The following MAN1C1 variants were observed in gnomAD, a reference collection of about 807,000 sequenced individuals.
MAN1C1 encodes mannosyl-oligosaccharide 1,2-alpha-mannosidase IC.
MAN1C1 carries 49 observed loss-of-function variants against 71.5 expected under a neutral mutation model. The ratio of observed to expected loss-of-function variants is 0.69; its 90% CI spans 0.54 to 0.87. MAN1C1 has a LOEUF of 0.87. Among genes scored for constraint, MAN1C1 ranks in the 40% least tolerant of loss-of-function variants. The probability of loss-of-function intolerance (pLI) is 0.00; values close to 1 mark genes in which losing one functional copy is unlikely to be tolerated. For synonymous variants in MAN1C1, 352 were observed against 343.7 expected, an observed-to-expected ratio of 1.02 and a Z score of -0.27; for missense variants, 743 against 835.0, an observed-to-expected ratio of 0.89 and a Z score of 1.36.
intron 2 of MAN1C1, among the ~76,000 whole-genome samples, chr1:25,727,965 G>A (rs978050076): frequency 3.3e-5 from 5 of 152,372 alleles, no homozygotes; most frequent in Non-Finnish European, 5.9e-5. Flanking sequence ...TCAGGCGTGC[G>A]TCTTCCTGGC....
rs1309072641 is a variant in MAN1C1, at chr1:25,618,253, C to T, written c.456C>T (p.Leu152=). The change falls in exon 1 of 12, where the codon CTC becomes CTT. Residue 152 remains leucine, a synonymous_variant. Transcript: ENST00000374332. The part of the protein sequence containing the change: ...RFDFNAFRSR[L]RHPVLGTRAD... ...ACTTCAACGCATTCCGGAGCCGTCT[C>T]CGCCACCCGGTCCTGGGAACGAGGG... The T allele has an allele frequency of 2.5e-6, 4 of 1,603,270 alleles. No homozygotes were observed. Among genetic ancestry groups the T allele is most frequent in the Non-Finnish European group, 3.4e-6 (4 of 1,176,772 alleles).
At chr1:25,762,338 G>A (rs998799265) in intron 6 of MAN1C1, among the ~76,000 whole-genome samples, 2 of 151,732 alleles carry the variant, frequency 1.3e-5, no homozygotes, top group Non-Finnish European at 2.9e-5. Flanking sequence ...ACCCAGGCTT[G>A]TCTCAAACTC....
intron 2 of MAN1C1, among the ~76,000 whole-genome samples, chr1:25,697,198 C>T (rs529555722): frequency 1.3e-5 from 2 of 152,164 alleles, no homozygotes; most frequent in African/African-American, 4.8e-5. Context: ...CTCTTTCCCC[C>T]CTTCCCCAGC....
At chr1:25,729,364 G>T (rs1333096623) in intron 2 of MAN1C1, among the ~76,000 whole-genome samples, 1 of 152,166 alleles carries the variant, frequency 6.6e-6, no homozygotes, top group Non-Finnish European at 1.5e-5. Context: ...TAGCCACTCG[G>T]CCAGCATTTA....
chr1:25,768,687 G>A (rs1325296518), intron 7 of MAN1C1, among the ~76,000 whole-genome samples: 3 of 66,012 alleles, frequency 4.5e-5, no homozygotes, highest in African/African-American at 6.1e-5. Context: ...ATACATCCAC[G>A]CTCCCTTAAC....
chr1:25,734,128 TTTTAA>T (rs1241194717), intron 2 of MAN1C1, among the ~76,000 whole-genome samples: 3 of 151,582 alleles, frequency 2.0e-5, no homozygotes, highest in African/African-American at 7.3e-5. Context: ...TTTTAATTTA[TTTTAA>T]TTTATTTATT....
chr1:25,632,670 G>A (rs775763132), intron 1 of MAN1C1, among the ~76,000 whole-genome samples: 1 of 152,040 alleles, frequency 6.6e-6, no homozygotes, highest in Non-Finnish European at 1.5e-5. Flanking sequence ...GTATCCCAGA[G>A]TTTTGATAAC....
intron 2 of MAN1C1, among the ~76,000 whole-genome samples, chr1:25,728,750 G>A (rs2046868477): frequency 6.6e-6 from 1 of 152,202 alleles, no homozygotes; most frequent in Non-Finnish European, 1.5e-5. Flanking sequence ...CCACCTAGAT[G>A]CAGAAAGGCT....
intron 2 of MAN1C1, among the ~76,000 whole-genome samples, chr1:25,700,230 G>C (rs2046421115): frequency 6.6e-6 from 1 of 152,164 alleles, no homozygotes; most frequent in Non-Finnish European, 1.5e-5. Context: ...GATAACTGCT[G>C]CTGTCTAATC....
At chr1:25,774,543 C>T (rs2047594588) in intron 8 of MAN1C1, among the ~76,000 whole-genome samples, 1 of 152,216 alleles carries the variant, frequency 6.6e-6, no homozygotes, top group Admixed American at 6.5e-5. Flanking sequence ...TCAGATGGGG[C>T]TCCTGCAGGC....
intron 1 of MAN1C1, among the ~76,000 whole-genome samples, chr1:25,683,522 T>A (rs1182312177): frequency 2.0e-5 from 3 of 152,068 alleles, no homozygotes; most frequent in Non-Finnish European, 4.4e-5. Context: ...GTTGCAGATA[T>A]AAAAGCTTGA....
chr1:25,641,545 C>T (rs748375799), intron 1 of MAN1C1, among the ~76,000 whole-genome samples: 16 of 152,174 alleles, frequency 1.1e-4, no homozygotes, highest in Admixed American at 5.9e-4. Context: ...TATTGCAGTC[C>T]GGAATTATCT....
At position 25,735,255 on chromosome 1, in the gene MAN1C1, C is replaced by G. The variant is rs893027032; in HGVS notation, c.638-11413C>G. On this transcript the variant is annotated intron_variant, in intron 2 of 11. Coordinates refer to ENST00000374332, the MANE Select transcript of MAN1C1 (RefSeq NM_020379.4). The surrounding 1 kb of genome is among the most constrained non-coding windows in gnomAD (Gnocchi z 4.6). ...CAACATGGCGAATCCCCACCTCTGC[C>G]AAAAACACAAAAATTAGCCGGGCAT... Among the ~76,000 whole-genome samples the G allele has an allele frequency of 6.6e-6, 1 of 152,110 alleles. No individual in the cohort carries two copies. Among genetic ancestry groups the G allele is most frequent in the African/African-American group, 2.4e-5 (1 of 41,420 alleles).
At chr1:25,625,047 C>A in intron 1 of MAN1C1, among the ~76,000 whole-genome samples, 1 of 123,692 alleles carries the variant, frequency 8.1e-6, no homozygotes, top group Non-Finnish European at 1.6e-5. Flanking sequence ...GCTCTGTCTT[C>A]CAGGCTGGAG....
chr1:25,768,756 T>C lies in MAN1C1; in HGVS notation c.1142-2901T>C, dbSNP rs557419442. Among the ~76,000 whole-genome samples, 933 of 102,156 alleles carry C rather than the reference T, an allele frequency of 9.1e-3. 6 individuals are homozygous for C. The highest frequency in any genetic ancestry group is 0.012 in the Non-Finnish European group (625 of 51,756). 67.0% of individuals were successfully genotyped at this position (102,156 alleles called of 152,430 possible). ...CTCCCCTCACACACCCACAGTCCCC[T>C]CACATACATCCACACTCCCCTCACA... On this transcript the variant is annotated intron_variant, in intron 7 of 11. Coordinates refer to ENST00000374332, the MANE Select transcript of MAN1C1 (RefSeq NM_020379.4).
intron 6 of MAN1C1, among the ~76,000 whole-genome samples, chr1:25,763,454 A>G (rs2124376948): frequency 1.5e-5 from 2 of 132,634 alleles, no homozygotes; most frequent in African/African-American, 5.7e-5. Context: ...GTGCCACTGC[A>G]CTCCAGCCTG....
At position 25,617,622 on chromosome 1, in the gene MAN1C1, G is replaced by C; in HGVS notation, c.-176G>C. On this transcript the variant is annotated 5_prime_UTR_variant, in exon 1 of 12. Coordinates refer to ENST00000374332, the MANE Select transcript of MAN1C1 (RefSeq NM_020379.4). This position sits in a 1 kb window ranked among gnomAD's most constrained non-coding sequence, Gnocchi z 5.1. ...CCCCCGCCTCCTCGCGGGAGGACTC[G>C]CTCCAAACTCCCTGAACTTCGGGGA... 5.6e-6 allele frequency: 3 copies of C among 539,942 alleles called. No individual in the cohort carries two copies. Among genetic ancestry groups the C allele is most frequent in the Non-Finnish European group, 9.4e-6 (3 of 319,318 alleles). The allele number at this position is 539,942 out of a possible 1,614,324, so 33.4% of individuals were successfully genotyped here. A position where few individuals can be genotyped will look rare whatever the true frequency, so the allele number is the denominator to read the frequency against.
Position 25,764,638 on chromosome 1 carries a change from G to A in MAN1C1, c.1141+671G>A, listed in dbSNP as rs719686. On this transcript the variant is annotated intron_variant, in intron 7 of 11. Coordinates refer to ENST00000374332, the MANE Select transcript of MAN1C1 (RefSeq NM_020379.4). This position sits in a 1 kb window ranked among gnomAD's most constrained non-coding sequence, Gnocchi z 4.4. ...TAGAGATGTTGGCCAAGCTGGTCTC[G>A]AACTCCTGACCTCAAATGATCCAAC... 0.081 allele frequency among the ~76,000 whole-genome samples: 12,303 copies of A among 151,752 alleles called. 569 individuals carry two copies. The highest frequency in any genetic ancestry group is 0.12 in the African/African-American group (4,843 of 41,380).
In MAN1C1 at chr1:25,775,664, T is replaced by C. The variant is rs2124408739; in HGVS notation, c.1258-2441T>C. 6.6e-6 allele frequency among the ~76,000 whole-genome samples: 1 copy of C among 152,248 alleles called. No individual in the cohort carries two copies. Among genetic ancestry groups the C allele is most frequent in the South Asian group, 2.1e-4 (1 of 4,826 alleles). ...GGCAGTGCTGGTTTAAATTGGGGCA[T>C]TCTCTCCAAGGAAGTGACATTCTGG... is the stretch of plus-strand genomic sequence containing the variant. On this transcript the variant is annotated intron_variant, in intron 8 of 11. Transcript: ENST00000374332. The surrounding 1 kb of genome is among the most constrained non-coding windows in gnomAD (Gnocchi z 5.1).
Sources: allele counts gnomAD v4.1 joint callset (sites outside exome capture counted in the v4.1 genomes callset), GRCh38; gene constraint gnomAD v4.1.1; non-coding constraint Gnocchi (gnomAD v3.1); transcripts MANE v1.5; gene names NCBI Gene and HGNC (gene_info 2026-07-23, HGNC 2026-07-21).